ZNF451: variants seen among roughly 807,000 people sequenced by gnomAD.
The protein encoded by ZNF451 is zinc finger protein 451.
ZNF451 carries 80 observed loss-of-function variants against 107.1 expected under a neutral mutation model. The observed-to-expected ratio is 0.75, with a 90% CI of 0.62 to 0.90. The LOEUF is 0.90. Ranked by LOEUF, ZNF451 falls within the 40% of genes least tolerant of loss-of-function variation. The pLI, the probability that ZNF451 is intolerant of heterozygous loss-of-function variation, is 0.00. For missense variants in ZNF451, 1,107 were observed against 1,236.2 expected (o/e 0.90, Z 1.57); for synonymous variants, 362 against 406.5 (o/e 0.89, Z 1.32).
At chr6:57,100,811 C>G in intron 3 of ZNF451, 1 of 1,548,696 alleles carries the variant, frequency 6.5e-7, no homozygotes, top group Non-Finnish European at 8.7e-7. Flanking sequence ...ACTAAGATCT[C>G]TGAGACAGAG....
chr6:57,122,607 A>G (rs1830694394), intron 3 of ZNF451, among the ~76,000 whole-genome samples: 2 of 152,262 alleles, frequency 1.3e-5, no homozygotes, highest in South Asian at 4.1e-4. Flanking sequence ...ACAAGCAGCC[A>G]ATAAACATGA....
At chr6:57,136,830 G>A (rs775422195) in intron 7 of ZNF451, among the ~76,000 whole-genome samples, 1 of 150,806 alleles carries the variant, frequency 6.6e-6, no homozygotes, top group African/African-American at 2.4e-5. Context: ...CTTTTTTCTC[G>A]GAATCACACA....
chr6:57,092,135 G>A (rs1344018537), intron 2 of ZNF451, among the ~76,000 whole-genome samples: 2 of 152,128 alleles, frequency 1.3e-5, no homozygotes, highest in African/African-American at 4.8e-5. Flanking sequence ...GTATATTTGT[G>A]AAGAGAATTT....
chr6:57,112,418 A>G (rs893143622), intron 3 of ZNF451, among the ~76,000 whole-genome samples: 3 of 152,224 alleles, frequency 2.0e-5, no homozygotes, highest in Admixed American at 6.5e-5. Flanking sequence ...TCCCTTACAT[A>G]TAAGATAGAG....
Position 57,104,920 on chromosome 6 carries a change from G to A in ZNF451, c.186+5779G>A, listed in dbSNP as rs1593087286. 4.1e-6 allele frequency: 4 copies of A among 985,380 alleles called. No homozygotes were observed. The African/African-American group carries it at 5.2e-5, about 13-fold the overall frequency. The allele number at this position is 985,380 out of a possible 1,614,324, so 61.0% of individuals were successfully genotyped here. A position where few individuals can be genotyped will look rare whatever the true frequency, so the allele number is the denominator to read the frequency against. ...AAGGATTTGACCGTTTAATAGGGATGGGGACAGAATGCAGATCAGGAAGAG... is the reference window on the plus strand; with the variant it reads ...AAGGATTTGACCGTTTAATAGGGATAGGGACAGAATGCAGATCAGGAAGAG... On this transcript the variant is annotated intron_variant, in intron 3 of 14. Coordinates refer to ENST00000370706, the MANE Select transcript of ZNF451 (RefSeq NM_001031623.3).
chr6:57,098,095 G>A (rs1265965195), intron 2 of ZNF451, among the ~76,000 whole-genome samples: 1 of 150,708 alleles, frequency 6.6e-6, no homozygotes, highest in Non-Finnish European at 1.5e-5. Context: ...TCAGCCTCCT[G>A]AGTAGCTGGG....
intron 7 of ZNF451, among the ~76,000 whole-genome samples, chr6:57,139,569 T>C (rs1013762136): frequency 4.6e-5 from 7 of 152,226 alleles, no homozygotes; most frequent in Non-Finnish European, 1.0e-4. Context: ...TTGAGGCTAT[T>C]ACTCTAAAGA....
chr6:57,130,635 T>C (rs1274800087), intron 5 of ZNF451, among the ~76,000 whole-genome samples: 1 of 152,180 alleles, frequency 6.6e-6, no homozygotes. Context: ...GGGCCAGTAA[T>C]ATGCCCTTCA....
At chr6:57,141,879 G>A (rs1831780853) in intron 8 of ZNF451, 69 bp from the exon 9 acceptor site, 3 of 1,384,934 alleles carry the variant, frequency 2.2e-6, no homozygotes, top group South Asian at 2.6e-5. Flanking sequence ...GAGAAGGGCT[G>A]AGGGGAGGAA....
At chr6:57,128,140 T>C (rs894446463) in intron 4 of ZNF451, among the ~76,000 whole-genome samples, 1 of 152,232 alleles carries the variant, frequency 6.6e-6, no homozygotes, top group South Asian at 2.1e-4. Flanking sequence ...TAATGAGTTA[T>C]GTTATTAATA....
intron 6 of ZNF451, among the ~76,000 whole-genome samples, chr6:57,133,809 G>A (rs1831297733): frequency 6.6e-6 from 1 of 151,964 alleles, no homozygotes; most frequent in South Asian, 2.1e-4. Flanking sequence ...TGAGTGTCTG[G>A]GACTACAGGT....
Position 57,147,924 on chromosome 6 carries a change from T to C in ZNF451, c.1839T>C (p.Asp613=). ...RGKWQCRICE[D]MFDSQEYVKQ... ...AATGGCAATGCCGGATTTGTGAAGA[T>C]ATGTTTGATTCCCAGGAATATGTAA... Residue 613 remains aspartate, a synonymous_variant, in exon 10 of 15, where the codon GAT becomes GAC. Transcript: ENST00000370706. The C allele has an allele frequency of 6.2e-7, 1 of 1,614,156 alleles. No homozygotes were observed. The highest frequency in any genetic ancestry group is 8.5e-7 in the Non-Finnish European group (1 of 1,179,982).
chr6:57,167,155 AACAG>A (rs1226572792), intron 14 of ZNF451, among the ~76,000 whole-genome samples: 1 of 152,044 alleles, frequency 6.6e-6, no homozygotes, highest in Non-Finnish European at 1.5e-5. Context: ...TTAATTGTAA[AACAG>A]ACGTTGTGAT....
At chr6:57,159,584 G>A (rs975063436) in intron 13 of ZNF451, 1 of 170,876 alleles carries the variant, frequency 5.9e-6, no homozygotes, top group East Asian at 2.0e-4. Flanking sequence ...ATTAGCGTTA[G>A]TGTATTTTAT....
rs778715384 is a variant in ZNF451, at chr6:57,147,815, C to T, written c.1730C>T (p.Thr577Ile). The change falls in exon 10 of 15, where the codon ACA becomes ATA. Residue 577 changes from threonine (T) to isoleucine (I), a missense_variant. By Grantham distance (89) the Thr-to-Ile change is moderately conservative (BLOSUM62 -1). Coordinates refer to ENST00000370706, the MANE Select transcript of ZNF451 (RefSeq NM_001031623.3). ...GAAACTTTGCCATCATCCTCTACAA[C>T]ATTGGATAATTTGACTGCTAACAAG... is the stretch of plus-strand genomic sequence containing the variant. ...EGETLPSSSTTLDNLTANKPS... is the reference protein window; with the variant it reads ...EGETLPSSSTILDNLTANKPS... 66 of 1,613,962 alleles carry T rather than the reference C, an allele frequency of 4.1e-5. No homozygotes were observed. In the Admixed American group the frequency reaches 9.3e-4, roughly 23 times the overall value.
intron 13 of ZNF451, among the ~76,000 whole-genome samples, chr6:57,160,010 T>A (rs562508541): frequency 3.3e-5 from 5 of 152,322 alleles, no homozygotes; most frequent in South Asian, 4.1e-4. Context: ...TATATTGATT[T>A]AAATGTAGTT....
At position 57,147,108 on chromosome 6, in the gene ZNF451, T is replaced by C. The variant is rs749864448; in HGVS notation, c.1023T>C (p.Ala341=). The C allele has an allele frequency of 2.9e-5, 46 of 1,608,426 alleles. No homozygotes were observed. Among genetic ancestry groups the C allele is most frequent in the Non-Finnish European group, 3.7e-5 (43 of 1,176,636 alleles). ...TAHFRVHCRN[A]GPVAVAEKSI... ...AATTTAGAGTTCATTGTCGAAATGCTGGACCTGTAGCTGTAGCTGAGAAGA... is the reference window on the plus strand; with the variant it reads ...AATTTAGAGTTCATTGTCGAAATGCCGGACCTGTAGCTGTAGCTGAGAAGA... The change falls in exon 10 of 15, where the codon GCT becomes GCC. Residue 341 remains alanine, a synonymous_variant. Coordinates refer to ENST00000370706, the MANE Select transcript of ZNF451 (RefSeq NM_001031623.3).
At chr6:57,109,057 G>A in intron 3 of ZNF451, 1 of 985,230 alleles carries the variant, frequency 1.0e-6, no homozygotes, top group South Asian at 4.7e-5. Flanking sequence ...TGGCTTTACT[G>A]TCACCCCACT....
intron 3 of ZNF451, 81 bp downstream of exon 3, chr6:57,099,222 G>A: frequency 8.7e-7 from 1 of 1,146,442 alleles, no homozygotes; most frequent in Non-Finnish European, 1.3e-6. Context: ...CCAAATCAGG[G>A]AAGGCTGTGT....
Sources: allele counts gnomAD v4.1 joint callset (sites outside exome capture counted in the v4.1 genomes callset), GRCh38; gene constraint gnomAD v4.1.1; transcripts MANE v1.5; gene names NCBI Gene and HGNC (gene_info 2026-07-23, HGNC 2026-07-21).